PMFBP1: variants seen among roughly 807,000 people sequenced by gnomAD.
PMFBP1 encodes the protein polyamine modulated factor 1 binding protein 1.
PMFBP1 carries 131 observed loss-of-function variants against 137.8 expected under a neutral mutation model. That is an observed-to-expected ratio of 0.95 (90% confidence interval 0.82 to 1.10). The LOEUF (loss-of-function observed/expected upper bound fraction) is 1.10, where lower values mean the gene tolerates loss of function less well. Among genes scored for constraint, PMFBP1 ranks in the 50% least tolerant of loss-of-function variants. The pLI is 0.00. For missense variants in PMFBP1, 1,199 were observed against 1,175.4 expected (o/e 1.02, Z -0.29); for synonymous variants, 490 against 450.4 (o/e 1.09, Z -1.11).
chr16:72,133,560 C>G (rs2042580222), intron 9 of PMFBP1, among the ~76,000 whole-genome samples: 1 of 152,152 alleles, frequency 6.6e-6, no homozygotes, highest in Non-Finnish European at 1.5e-5. Context: ...ACGATCGTAG[C>G]TCAATGCAGC....
intron 3 of PMFBP1, among the ~76,000 whole-genome samples, chr16:72,158,722 G>A (rs568848947): frequency 2.0e-5 from 3 of 152,290 alleles, no homozygotes; most frequent in African/African-American, 7.2e-5. Context: ...GGCCAGGCAT[G>A]GTGGCTCATC....
At chr16:72,239,019 C>CA in the PMFBP1 span, among the ~76,000 whole-genome samples, 5 of 151,402 alleles carry the variant, frequency 3.3e-5, no homozygotes, top group Admixed American at 2.0e-4. Context: ...CCCAAAAAAA[C>CA]AAAAAAACAG....
chr16:72,203,325 C>T, the PMFBP1 span, among the ~76,000 whole-genome samples: 2 of 152,196 alleles, frequency 1.3e-5, no homozygotes, highest in Non-Finnish European at 2.9e-5. Flanking sequence ...CACTTAATCC[C>T]CCACCACTGG....
At chr16:72,124,989 G>C in intron 16 of PMFBP1, 55 bp from the exon 17 acceptor site, 3 of 1,591,262 alleles carry the variant, frequency 1.9e-6, no homozygotes, top group Non-Finnish European at 2.6e-6. Flanking sequence ...CCTGACCGCA[G>C]GACCCACAAG....
upstream of PMFBP1, among the ~76,000 whole-genome samples, chr16:72,172,833 G>A (rs1386785671): frequency 6.6e-6 from 1 of 152,216 alleles, no homozygotes; most frequent in African/African-American, 2.4e-5. Context: ...AAATGCTGAT[G>A]TGGACATAAG....
In PMFBP1 at chr16:72,124,793, CTT is replaced by C. The variant is rs772371753; in HGVS notation, c.2561_2562del (p.Lys854ArgfsTer5). The C allele has an allele frequency of 3.7e-6, 6 of 1,614,134 alleles. No individual in the cohort carries two copies. The East Asian group carries it at 8.9e-5, about 24-fold the overall frequency. On this transcript the variant is annotated frameshift_variant, in exon 17 of 21. Coordinates refer to ENST00000237353, the MANE Select transcript of PMFBP1 (RefSeq NM_031293.3). LOFTEE classifies it high-confidence loss of function. ...REFQEEMAAL[K>X]ENLLEDDKEP... ...TCCTTATCGTCCTCAAGGAGGTTCT[CTT>C]TTAAGGCGGCCATCTCCTCCTGGAA...
rs145683576 is a variant in PMFBP1 at position 72,168,924 on chromosome 16, CA to C, written c.12+2272del. On this transcript the variant is annotated intron_variant, in intron 2 of 20. Coordinates refer to ENST00000237353, the MANE Select transcript of PMFBP1 (RefSeq NM_031293.3). The stretch of plus-strand genomic sequence containing the variant: ...AGCATGGTATCTCAAACATATATTT[CA>C]AAATAGGAGAAGACATTTTGCTTTA... Among the ~76,000 whole-genome samples the C allele has an allele frequency of 8.9e-3, 1,348 of 152,182 alleles. 15 individuals are homozygous for C. The highest frequency in any genetic ancestry group is 0.031 in the African/African-American group (1,271 of 41,506).
At chr16:72,139,209 TA>T in intron 7 of PMFBP1, 79 bp downstream of exon 7, 3 of 985,970 alleles carry the variant, frequency 3.0e-6, no homozygotes, top group Non-Finnish European at 4.5e-6. Flanking sequence ...CATATAAAAA[TA>T]AAAAATAAGT....
intron 5 of PMFBP1, 131 bp from the exon 6 acceptor site, chr16:72,140,713 T>A: frequency 1.2e-6 from 1 of 839,478 alleles, no homozygotes; most frequent in Non-Finnish European, 1.8e-6. Context: ...CATGGTTTCC[T>A]TAACAAAACA....
intron 3 of PMFBP1, 44 bp from the exon 4 acceptor site, chr16:72,154,503 C>G: frequency 6.3e-7 from 1 of 1,585,072 alleles, no homozygotes; most frequent in East Asian, 2.2e-5. Context: ...TAGATCATCA[C>G]TAAGGACGTA....
intron 3 of PMFBP1, among the ~76,000 whole-genome samples, chr16:72,155,930 C>T (rs540977993): frequency 1.4e-4 from 22 of 152,104 alleles, no homozygotes; most frequent in Admixed American, 5.9e-4. Context: ...CTTTTCTAGA[C>T]GTTTCACATA....
At chr16:72,180,732 C>G (rs1362134795), upstream of PMFBP1, among the ~76,000 whole-genome samples, 1 of 152,088 alleles carries the variant, frequency 6.6e-6, no homozygotes, top group Non-Finnish European at 1.5e-5. Context: ...AAATCAGAGG[C>G]CTTTGGCTAA....
intron 16 of PMFBP1, 109 bp downstream of exon 16, chr16:72,125,129 G>A: frequency 6.9e-7 from 1 of 1,451,608 alleles, no homozygotes; most frequent in Non-Finnish European, 9.3e-7. Flanking sequence ...AAAGTGGAGG[G>A]AACCTAGCAG....
intron 9 of PMFBP1, among the ~76,000 whole-genome samples, chr16:72,135,745 T>G (rs1038582945): frequency 7.4e-6 from 1 of 135,858 alleles, no homozygotes. Context: ...TTTCTGTTTT[T>G]TTTTTTTTTT....
At chr16:72,153,761 T>C (rs746306938) in intron 4 of PMFBP1, among the ~76,000 whole-genome samples, 1 of 147,904 alleles carries the variant, frequency 6.8e-6, no homozygotes, top group Admixed American at 7.0e-5. Flanking sequence ...TCTGGTTATC[T>C]TATCTAGTGT....
rs149368238 is a variant in PMFBP1 at position 72,136,729 on chromosome 16, C to T, written c.1009G>A (p.Glu337Lys). 1.7e-4 allele frequency: 274 copies of T among 1,614,186 alleles called. No homozygotes were observed. The highest frequency in any genetic ancestry group is 1.5e-3 in the Middle Eastern group (9 of 6,062). The change falls in exon 8 of 21, where the codon GAG (glutamate) becomes AAG (lysine). Residue 337 changes from glutamate (E) to lysine (K), a missense_variant. Transcript: ENST00000237353. ...TTTCTCTTCTGTTCCGACACGGCCT[C>T]TAGTTCCACGCGCAGATCCTTCACC... is the stretch of plus-strand genomic sequence containing the variant. ...NLVKDLRVELEAVSEQKRNIM... is the reference protein window; with the variant it reads ...NLVKDLRVELKAVSEQKRNIM...
the PMFBP1 span, among the ~76,000 whole-genome samples, chr16:72,210,036 C>G: frequency 1.3e-5 from 2 of 152,176 alleles, no homozygotes; most frequent in African/African-American, 4.8e-5. Context: ...CTTTGGGCAC[C>G]TTTCCTTGCT....
At chr16:72,150,466 G>A in intron 5 of PMFBP1, 142 bp downstream of exon 5, 1 of 774,374 alleles carries the variant, frequency 1.3e-6, no homozygotes, top group South Asian at 1.6e-5. Context: ...AGGTTCAAAA[G>A]CTGAGGGCTA....
At chr16:72,243,051 C>T in the PMFBP1 span, among the ~76,000 whole-genome samples, 1 of 152,176 alleles carries the variant, frequency 6.6e-6, no homozygotes, top group African/African-American at 2.4e-5. Flanking sequence ...TGGTGCCTGA[C>T]TTTTGTCTTT....
Sources: allele counts gnomAD v4.1 joint callset (sites outside exome capture counted in the v4.1 genomes callset), GRCh38; gene constraint gnomAD v4.1.1; transcripts MANE v1.5; gene names NCBI Gene and HGNC (gene_info 2026-07-23, HGNC 2026-07-21).